Variants in TPGS2 observed in about 807,000 individuals in gnomAD.
The protein encoded by TPGS2 is polyglutamylase subunit 2.
TPGS2 carries 26 observed loss-of-function variants against 31.1 expected under a neutral mutation model. The ratio of observed to expected loss-of-function variants is 0.84; its 90% confidence interval spans 0.61 to 1.16. TPGS2 has a LOEUF of 1.16. Among genes scored for constraint, TPGS2 ranks in the 50% most tolerant of loss-of-function variants. The pLI is 0.00. For missense variants in TPGS2, 351 were observed against 363.8 expected, an observed-to-expected ratio of 0.96 and a Z score of 0.29; for synonymous variants, 130 against 136.6, an observed-to-expected ratio of 0.95 and a Z score of 0.34.
At chr18:36,792,774 C>T (rs1181201436), downstream of TPGS2, among the ~76,000 whole-genome samples, 1 of 152,128 alleles carries the variant, frequency 6.6e-6, no homozygotes, top group Non-Finnish European at 1.5e-5. Context: ...GCAGGCTGCC[C>T]CTTTTCATTC....
chr18:36,786,934 C>T lies in TPGS2; in HGVS notation c.658-3803G>A, dbSNP rs1174127057. 2.4e-6 allele frequency: 3 copies of T among 1,234,288 alleles called. No individual in the cohort carries two copies. In the East Asian group the frequency reaches 9.5e-5, roughly 39 times the overall value. The allele number at this position is 1,234,288 out of a possible 1,614,324, so 76.5% of individuals were successfully genotyped here. ...TTGGCGCCTGCTGCACACGCTACAG[C>T]TCCGGGGCTTCATGCTGCTGACTCT... On this transcript the variant is annotated intron_variant, in intron 6 of 6. Transcript: ENST00000587129.
At chr18:36,810,752 G>C (rs189875446) in intron 2 of TPGS2, among the ~76,000 whole-genome samples, 78 of 152,180 alleles carry the variant, frequency 5.1e-4, no homozygotes, top group Non-Finnish European at 8.8e-4. Context: ...GTTTATTTAA[G>C]CTACTTTAGA....
chr18:36,798,633 AAAAGAT>A, intron 5 of TPGS2, 24 bp from the exon 6 acceptor site: 1 of 1,607,892 alleles, frequency 6.2e-7, no homozygotes, highest in Non-Finnish European at 8.5e-7. Flanking sequence ...CAAAGGAAGT[AAAAGAT>A]AAAGAATAGC....
chr18:36,798,574 T>C lies in TPGS2; in HGVS notation c.532A>G (p.Arg178Gly), dbSNP rs1393218883. ...AEDTEIWFLD[R>G]ALYWHFLTDT... ...GTGAGAAAATGCCAGTATAACGCTCTGTCCAGGAACCAGATCTCAGTGTCT... is the reference window on the plus strand; with the variant it reads ...GTGAGAAAATGCCAGTATAACGCTCCGTCCAGGAACCAGATCTCAGTGTCT... The change falls in exon 6 of 7, where the codon AGA becomes GGA. Residue 178 changes from arginine to glycine, a missense_variant. Coordinates refer to ENST00000334295, the MANE Select transcript of TPGS2 (RefSeq NM_015476.4). The C allele has an allele frequency of 6.2e-7, 1 of 1,614,210 alleles. No individual in the cohort carries two copies. The highest frequency in any genetic ancestry group is 1.1e-5 in the South Asian group (1 of 91,078).
intron 2 of TPGS2, among the ~76,000 whole-genome samples, chr18:36,809,307 T>G (rs1034129321): frequency 1.3e-5 from 2 of 152,144 alleles, no homozygotes; most frequent in Non-Finnish European, 2.9e-5. Flanking sequence ...CACAGCATCT[T>G]CAGGAACTAT....
chr18:36,783,666 G>A (rs1024478498), intron 6 of TPGS2, among the ~76,000 whole-genome samples: 3 of 152,154 alleles, frequency 2.0e-5, no homozygotes, highest in African/African-American at 7.2e-5. Context: ...CAGGCTCCTG[G>A]TCTGTGAGTG....
At chr18:36,817,663 C>T (rs1327152925) in intron 2 of TPGS2, 1 of 152,216 alleles carries the variant, frequency 6.6e-6, no homozygotes, top group Non-Finnish European at 1.5e-5. Flanking sequence ...GTCTTGAACT[C>T]CTGGCCTCAA....
Position 36,794,967 on chromosome 18 carries a change from A to C in TPGS2, c.*1838T>G. The C allele has an allele frequency of 8.1e-6, 8 of 985,336 alleles. No individual in the cohort carries two copies. The highest frequency in any genetic ancestry group is 8.4e-6 in the Non-Finnish European group (7 of 829,938). The allele number at this position is 985,336 out of a possible 1,614,324, so 61.0% of individuals were successfully genotyped here. A position where few individuals can be genotyped will look rare whatever the true frequency, so the allele number is the denominator to read the frequency against. ...CTCGCTATTTTAAAGCAAATGAAGA[A>C]GCTGTTAATACGAAGCTCAGTTTAT... On this transcript the variant is annotated 3_prime_UTR_variant, in exon 7 of 7. Transcript: ENST00000334295.
downstream of TPGS2, among the ~76,000 whole-genome samples, chr18:36,790,677 T>C (rs937844525): frequency 6.6e-6 from 1 of 152,228 alleles, no homozygotes; most frequent in Non-Finnish European, 1.5e-5. Flanking sequence ...TGGGCTGACC[T>C]TAGGTATCCT....
chr18:36,796,563 T>C lies in TPGS2; in HGVS notation c.*242A>G. 7.6e-7 allele frequency: 1 copy of C among 1,307,784 alleles called. No homozygotes were observed. The highest frequency in any genetic ancestry group is 2.3e-5 in the South Asian group (1 of 43,702). 81.0% of individuals were successfully genotyped at this position (1,307,784 alleles called of 1,614,324 possible). ...AGAAGAGGAAAGCACTCAGACTTAT[T>C]TGGGCACTTACACAAGATTCCAAAT... On this transcript the variant is annotated 3_prime_UTR_variant, in exon 7 of 7. Coordinates refer to ENST00000334295, the MANE Select transcript of TPGS2 (RefSeq NM_015476.4).
At chr18:36,789,660 C>G (rs1005962245), downstream of TPGS2, 1 of 151,968 alleles carries the variant, frequency 6.6e-6, no homozygotes, top group Non-Finnish European at 1.5e-5. Context: ...TGGCTGTGTC[C>G]CTACCCAAAT....
intron 1 of TPGS2, among the ~76,000 whole-genome samples, chr18:36,822,008 G>C (rs561547730): frequency 6.6e-6 from 1 of 152,294 alleles, no homozygotes; most frequent in Admixed American, 6.5e-5. Flanking sequence ...GAGAACAAAT[G>C]GGGAGACCAG....
At chr18:36,818,029 T>C (rs535834599) in intron 2 of TPGS2, among the ~76,000 whole-genome samples, 1 of 152,316 alleles carries the variant, frequency 6.6e-6, no homozygotes, top group African/African-American at 2.4e-5. Context: ...TGAAGACCTA[T>C]GAAGCCCTAA....
chr18:36,827,047 T>C (rs1050015902), intron 1 of TPGS2, among the ~76,000 whole-genome samples: 3 of 151,798 alleles, frequency 2.0e-5, no homozygotes, highest in African/African-American at 7.3e-5. Flanking sequence ...TTAAGTTTCT[T>C]TTTTTTTAGT....
chr18:36,789,035 T>A (rs964903983), intron 6 of TPGS2: 12 of 152,172 alleles, frequency 7.9e-5, no homozygotes, highest in African/African-American at 2.9e-4. Context: ...CTAGAGAGGC[T>A]GGGGCTGCCT....
chr18:36,784,800 C>T (rs1035220585), intron 6 of TPGS2, among the ~76,000 whole-genome samples: 3 of 152,184 alleles, frequency 2.0e-5, no homozygotes, highest in Non-Finnish European at 2.9e-5. Flanking sequence ...TGGCTTGTCT[C>T]ACTAGTTCCT....
At position 36,828,789 on chromosome 18, in the gene TPGS2, C is replaced by A; in HGVS notation, c.-22G>T. On this transcript the variant is annotated 5_prime_UTR_variant, in exon 1 of 7. Coordinates refer to ENST00000334295, the MANE Select transcript of TPGS2 (RefSeq NM_015476.4). ...CCATGGCTCGCGACCGCGATTCGCG[C>A]GCGGCGGGAGCGGGTGGAGGGCCGG... is the stretch of plus-strand genomic sequence containing the variant. 6.2e-7 allele frequency: 1 copy of A among 1,611,344 alleles called. No homozygotes were observed. Among genetic ancestry groups the A allele is most frequent in the Non-Finnish European group, 8.5e-7 (1 of 1,179,092 alleles).
At chr18:36,823,631 T>G (rs1370850870) in intron 1 of TPGS2, among the ~76,000 whole-genome samples, 4 of 150,974 alleles carry the variant, frequency 2.6e-5, no homozygotes, top group Non-Finnish European at 5.9e-5. Context: ...CGGCTAATTT[T>G]TTGTATTTTT....
At chr18:36,828,116 C>T (rs2046268718) in intron 1 of TPGS2, among the ~76,000 whole-genome samples, 1 of 151,954 alleles carries the variant, frequency 6.6e-6, no homozygotes, top group Non-Finnish European at 1.5e-5. Context: ...TGCAGTGAGC[C>T]GAGATCGCGC....
Sources: gnomAD v4.1 joint callset for allele counts (sites outside exome capture counted in the v4.1 genomes callset) on GRCh38, gnomAD v4.1.1 for gene constraint, MANE v1.5 for transcripts, NCBI Gene and HGNC (gene_info 2026-07-23, HGNC 2026-07-21) for gene names.